Variants in AUTS2 observed in about 807,000 individuals in gnomAD.
AUTS2 encodes autism susceptibility gene 2 protein.
A neutral mutation model predicts 112.4 loss-of-function variants in AUTS2; 17 were observed. The observed-to-expected ratio is 0.15, with a 90% CI of 0.10 to 0.23. The LOEUF (loss-of-function observed/expected upper bound fraction) is 0.23. Among genes scored for constraint, AUTS2 ranks in the 10% least tolerant of loss-of-function variants. AUTS2 has a pLI of 1.00. For synonymous variants in AUTS2, 751 were observed against 702.7 expected (o/e 1.07, Z -1.09); for missense variants, 1,510 against 1,701.6 (o/e 0.89, Z 1.98).
intron 5 of AUTS2, among the ~76,000 whole-genome samples, chr7:70,688,794 A>G (rs1403399475): frequency 6.6e-6 from 1 of 152,220 alleles, no homozygotes. Context: ...ACTGCACTCT[A>G]GCCTGGGCAA....
chr7:70,356,819 T>A (rs1792034074), intron 4 of AUTS2, among the ~76,000 whole-genome samples: 2 of 152,156 alleles, frequency 1.3e-5, no homozygotes, highest in Admixed American at 1.3e-4. Flanking sequence ...AAGGGCGTTT[T>A]TATGATGGAT....
At chr7:70,697,559 T>TTCC (rs1225764247) in intron 5 of AUTS2, among the ~76,000 whole-genome samples, 1 of 56,604 alleles carries the variant, frequency 1.8e-5, no homozygotes, top group Non-Finnish European at 4.3e-5. Context: ...CACTTCAGAA[T>TTCC]TCCCCCCCCC....
chr7:69,666,864 T>TG (rs1283323739), intron 1 of AUTS2, among the ~76,000 whole-genome samples: 7 of 152,102 alleles, frequency 4.6e-5, no homozygotes, highest in African/African-American at 1.4e-4. Flanking sequence ...ATCATGCCCC[T>TG]GCACTCCAGC....
chr7:69,842,055 T>C (rs1792004795), intron 1 of AUTS2, among the ~76,000 whole-genome samples: 1 of 152,204 alleles, frequency 6.6e-6, no homozygotes, highest in Admixed American at 6.5e-5. Flanking sequence ...ATATTTATAT[T>C]CAGCATAGAG....
chr7:70,093,556 T>A (rs1387520272), intron 2 of AUTS2, among the ~76,000 whole-genome samples: 1 of 152,172 alleles, frequency 6.6e-6, no homozygotes, highest in Admixed American at 6.6e-5. Context: ...ACATTTCTTA[T>A]CAATTTATAA....
At chr7:70,477,242 C>T (rs1170032014) in intron 5 of AUTS2, among the ~76,000 whole-genome samples, 2 of 152,124 alleles carry the variant, frequency 1.3e-5, no homozygotes, top group Non-Finnish European at 1.5e-5. Context: ...CAGTTGCCAA[C>T]AGTGGGATCA....
At chr7:69,675,195 G>A (rs981351638) in intron 1 of AUTS2, among the ~76,000 whole-genome samples, 1 of 152,168 alleles carries the variant, frequency 6.6e-6, no homozygotes, top group Admixed American at 6.5e-5. Flanking sequence ...GCCTAAGTGT[G>A]AGATCCTGAC....
At chr7:69,614,368 T>TTTCTTTCTTTCTTTCTTTTCTTTCTTTTC in intron 1 of AUTS2, among the ~76,000 whole-genome samples, 30 of 19,408 alleles carry the variant, frequency 1.5e-3, no homozygotes, top group African/African-American at 2.7e-3. Flanking sequence ...TTCTTTCTTT[T>TTTCTTTCTTTCTTTCTTTTCTTTCTTTTC]TTTAAGAGAT....
At chr7:69,946,227 A>G (rs912976322) in intron 2 of AUTS2, among the ~76,000 whole-genome samples, 13 of 151,672 alleles carry the variant, frequency 8.6e-5, no homozygotes, top group Admixed American at 7.9e-4. Context: ...TTCACTTAGC[A>G]TATGTCTTCC....
intron 1 of AUTS2, among the ~76,000 whole-genome samples, chr7:69,700,042 C>T (rs1797739795): frequency 6.6e-6 from 1 of 152,288 alleles, no homozygotes; most frequent in African/African-American, 2.4e-5. Context: ...TTGATAGTCA[C>T]TGCTAAATCC....
chr7:70,089,785 G>A (rs1803812513), intron 2 of AUTS2, among the ~76,000 whole-genome samples: 1 of 151,956 alleles, frequency 6.6e-6, no homozygotes, highest in Non-Finnish European at 1.5e-5. Flanking sequence ...GAGGCAGGTG[G>A]ATCACTTGAG....
intron 5 of AUTS2, among the ~76,000 whole-genome samples, chr7:70,493,293 A>G (rs554087824): frequency 6.6e-6 from 1 of 152,224 alleles, no homozygotes; most frequent in Non-Finnish European, 1.5e-5. Context: ...ATCTGTCTCC[A>G]GCTCTTTGAA....
In AUTS2 at chr7:69,705,165, C is replaced by T. The variant is rs191410358; in HGVS notation, c.309+105203C>T. ...TACAGGCGTGAGCCATTGTGCCTGG[C>T]CTCCTTATGTCTTCTATGCCTAGAC... On this transcript the variant is annotated intron_variant, in intron 1 of 18. Transcript: ENST00000342771. Among the ~76,000 whole-genome samples, 217 of 152,330 alleles carry T rather than the reference C, an allele frequency of 1.4e-3. 1 individual carries two copies. Among genetic ancestry groups the T allele is most frequent in the African/African-American group, 5.1e-3 (213 of 41,564 alleles).
rs1043295117 is a variant in AUTS2 at position 70,013,996 on chromosome 7, G to A, written c.523-104136G>A. Reference sequence around the variant, plus strand: ...CTCCCAAAGTGCTGGGATTACAGGCGTGAGCCACCGCGCCCGGCCTCATCA... The same window carrying A: ...CTCCCAAAGTGCTGGGATTACAGGCATGAGCCACCGCGCCCGGCCTCATCA... On this transcript the variant is annotated intron_variant, in intron 2 of 18. Transcript: ENST00000342771. 2.0e-5 allele frequency among the ~76,000 whole-genome samples: 3 copies of A among 152,132 alleles called. No individual in the cohort carries two copies. In the East Asian group the frequency reaches 5.8e-4, roughly 29 times the overall value.
intron 4 of AUTS2, among the ~76,000 whole-genome samples, chr7:70,405,014 C>A (rs1020710698): frequency 5.3e-5 from 8 of 152,022 alleles, no homozygotes; most frequent in Non-Finnish European, 1.2e-4. Flanking sequence ...CCTGAAGGAG[C>A]CAAGAAAAGT....
chr7:70,416,305 T>C (rs1235731428), intron 4 of AUTS2, among the ~76,000 whole-genome samples: 2 of 152,230 alleles, frequency 1.3e-5, no homozygotes, highest in Non-Finnish European at 2.9e-5. Flanking sequence ...ATTTGTTTCA[T>C]ATTTTATATT....
rs546458002 is a variant in AUTS2 at position 70,781,880 on chromosome 7, C to T, written c.2146+124C>T. On this transcript the variant is annotated intron_variant, in intron 15 of 18. Transcript: ENST00000342771. ...CCTACAAAAATACAGTTAATGCCAG[C>T]TTGCAAGGCAACATCGCAGCACATC... The T allele has an allele frequency of 2.3e-5, 30 of 1,282,468 alleles. No homozygotes were observed. The African/African-American group carries it at 4.5e-4, about 19-fold the overall frequency. 79.4% of individuals were successfully genotyped at this position (1,282,468 alleles called of 1,614,324 possible).
intron 2 of AUTS2, among the ~76,000 whole-genome samples, chr7:69,925,078 A>G (rs1388848416): frequency 6.6e-6 from 1 of 152,132 alleles, no homozygotes; most frequent in Non-Finnish European, 1.5e-5. Flanking sequence ...AATTCATATA[A>G]TATTCCTTCA....
chr7:70,716,665 A>AAAG (rs1810390775), intron 6 of AUTS2, among the ~76,000 whole-genome samples: 2 of 146,742 alleles, frequency 1.4e-5, no homozygotes, highest in Non-Finnish European at 3.0e-5. Context: ...AAAAAAAAAA[A>AAAG]GGGAAGTCTC....
Sources: allele counts gnomAD v4.1 joint callset (sites outside exome capture counted in the v4.1 genomes callset), GRCh38; gene constraint gnomAD v4.1.1; transcripts MANE v1.5; gene names NCBI Gene and HGNC (gene_info 2026-07-23, HGNC 2026-07-21).